Variants in DLG2 observed in about 807,000 individuals in gnomAD.
DLG2 encodes disks large homolog 2.
DLG2 carries 45 observed loss-of-function variants against 132.5 expected under a neutral mutation model. The ratio of observed to expected loss-of-function variants is 0.34; its 90% CI spans 0.27 to 0.44. DLG2 has a LOEUF of 0.44. Ranked by LOEUF, DLG2 falls within the 20% of genes least tolerant of loss-of-function variation. The pLI is 1.00. For synonymous variants in DLG2, 424 were observed against 419.6 expected, an observed-to-expected ratio of 1.01 and a Z score of -0.13; for missense variants, 1,045 against 1,196.9, an observed-to-expected ratio of 0.87 and a Z score of 1.87.
rs561090660 is a variant in DLG2, at chr11:83,775,370, T to G, written c.1825+11320A>C. On this transcript the variant is annotated intron_variant, in intron 18 of 27. Transcript: ENST00000376104. ...CGGGTTGTTCTGGAGCCTTTCTGCC[T>G]GAGACTGAAACTTTGTTTTACTCTA... is the stretch of plus-strand genomic sequence containing the variant. Among the ~76,000 whole-genome samples, 7 of 152,364 alleles carry G rather than the reference T, an allele frequency of 4.6e-5. No individual in the cohort carries two copies. The South Asian group carries it at 1.2e-3, about 27-fold the overall frequency.
intron 7 of DLG2, among the ~76,000 whole-genome samples, chr11:84,320,130 A>T (rs1276032547): frequency 6.6e-6 from 1 of 152,218 alleles, no homozygotes; most frequent in East Asian, 1.9e-4. Flanking sequence ...TACACATCCT[A>T]CTTATCACTG....
At chr11:85,128,617 G>A (rs72961518) in intron 5 of DLG2, among the ~76,000 whole-genome samples, 1,856 of 152,244 alleles carry the variant, frequency 0.012, 13 homozygotes, top group Non-Finnish European at 0.018. Context: ...TTCTGCCTGC[G>A]ATCCAGAACT....
At chr11:85,232,730 G>A (rs984645377) in intron 4 of DLG2, among the ~76,000 whole-genome samples, 3 of 151,878 alleles carry the variant, frequency 2.0e-5, no homozygotes, top group African/African-American at 4.8e-5. Flanking sequence ...CTACTCTAAA[G>A]CATACGTGAA....
At chr11:84,427,915 T>C (rs1034331040) in intron 7 of DLG2, among the ~76,000 whole-genome samples, 2 of 152,224 alleles carry the variant, frequency 1.3e-5, no homozygotes, top group African/African-American at 4.8e-5. Flanking sequence ...CAAGACTAGC[T>C]TGTGAGGAAC....
chr11:85,145,265 C>G (rs1429376426), intron 5 of DLG2, among the ~76,000 whole-genome samples: 1 of 151,900 alleles, frequency 6.6e-6, no homozygotes, highest in Non-Finnish European at 1.5e-5. Flanking sequence ...TTTCTTTATC[C>G]TTAGCCTTTG....
intron 4 of DLG2, among the ~76,000 whole-genome samples, chr11:85,178,624 G>A (rs930301834): frequency 4.6e-5 from 7 of 151,742 alleles, no homozygotes; most frequent in African/African-American, 1.7e-4. Flanking sequence ...TTTTTTAAAA[G>A]CCAAACAAAT....
chr11:84,042,041 A>G (rs1046553224), intron 11 of DLG2, among the ~76,000 whole-genome samples: 6 of 151,962 alleles, frequency 3.9e-5, no homozygotes, highest in Non-Finnish European at 5.9e-5. Context: ...TGTAAGTTCA[A>G]TAAACAATTT....
At chr11:85,208,416 C>T (rs2152564335) in intron 4 of DLG2, among the ~76,000 whole-genome samples, 1 of 152,106 alleles carries the variant, frequency 6.6e-6, no homozygotes, top group South Asian at 2.1e-4. Context: ...TACTAAGATA[C>T]CTTTGTTAAG....
At chr11:84,271,830 T>A (rs1478919125) in intron 7 of DLG2, among the ~76,000 whole-genome samples, 1 of 150,512 alleles carries the variant, frequency 6.6e-6, no homozygotes, top group Non-Finnish European at 1.5e-5. Flanking sequence ...TGTTAGGTGA[T>A]AAATCAGAGA....
intron 17 of DLG2, among the ~76,000 whole-genome samples, chr11:83,789,720 G>A (rs1306765222): frequency 6.6e-6 from 1 of 152,038 alleles, no homozygotes; most frequent in Non-Finnish European, 1.5e-5. Flanking sequence ...GCTATTTTTT[G>A]TATTTTTAGC....
At chr11:83,802,134 C>T (rs193013503) in intron 17 of DLG2, among the ~76,000 whole-genome samples, 58 of 151,646 alleles carry the variant, frequency 3.8e-4, no homozygotes, top group African/African-American at 1.1e-3. Flanking sequence ...AGTGACATGA[C>T]ATGCACCATT....
intron 11 of DLG2, among the ~76,000 whole-genome samples, chr11:84,016,355 T>C (rs1208193672): frequency 6.6e-6 from 1 of 152,186 alleles, no homozygotes; most frequent in Admixed American, 6.6e-5. Flanking sequence ...GATAGTTTCT[T>C]ATATCCCATA....
At chr11:83,852,547 T>C (rs1175866941) in intron 16 of DLG2, among the ~76,000 whole-genome samples, 1 of 152,222 alleles carries the variant, frequency 6.6e-6, no homozygotes, top group Non-Finnish European at 1.5e-5. Context: ...TTAATTACTA[T>C]TACTGAAATT....
chr11:85,263,186 A>T (rs574516523), intron 4 of DLG2, among the ~76,000 whole-genome samples: 175 of 152,324 alleles, frequency 1.1e-3, no homozygotes, highest in African/African-American at 4.1e-3. Context: ...TGCATGAGCA[A>T]CCCCAGGTCA....
At position 85,126,574 on chromosome 11, in the gene DLG2, T is replaced by C. The variant is rs574042863; in HGVS notation, c.283-14839A>G. 2.6e-5 allele frequency among the ~76,000 whole-genome samples: 4 copies of C among 152,302 alleles called. No individual in the cohort carries two copies. In the South Asian group the frequency reaches 8.3e-4, roughly 32 times the overall value. ...GTTAAATTTTCCCTACTATTAGCTG[T>C]ATTTATGCTCCTCTTTGCCACTCAA... is the stretch of plus-strand genomic sequence containing the variant. On this transcript the variant is annotated intron_variant, in intron 5 of 27. Transcript: ENST00000376104.
At chr11:83,945,762 C>T (rs1290862939) in intron 14 of DLG2, among the ~76,000 whole-genome samples, 2 of 149,662 alleles carry the variant, frequency 1.3e-5, no homozygotes, top group African/African-American at 4.9e-5. Context: ...GGTTTAGGGT[C>T]GTCCGCTATT....
At position 84,759,519 on chromosome 11, in the gene DLG2, T is replaced by C. The variant is rs560814142; in HGVS notation, c.358-224788A>G. Among the ~76,000 whole-genome samples the C allele has an allele frequency of 3.3e-5, 5 of 152,366 alleles. No individual in the cohort carries two copies. The East Asian group carries it at 9.6e-4, about 29-fold the overall frequency. On this transcript the variant is annotated intron_variant, in intron 6 of 27. Coordinates refer to ENST00000376104, the MANE Select transcript of DLG2 (RefSeq NM_001142699.3). ...CTTCATTGTGAGGCTTGAGCGTTTA[T>C]GATAATCTATCTTCTTTCATTTAAA...
At chr11:85,563,420 A>T (rs914017183) in intron 3 of DLG2, among the ~76,000 whole-genome samples, 4 of 141,152 alleles carry the variant, frequency 2.8e-5, no homozygotes, top group Admixed American at 2.8e-4. Context: ...TGAGTGGATT[A>T]AAAAAAAAAA....
intron 18 of DLG2, among the ~76,000 whole-genome samples, chr11:83,640,032 T>C (rs1469763058): frequency 6.6e-6 from 1 of 152,182 alleles, no homozygotes; most frequent in East Asian, 1.9e-4. Flanking sequence ...TATGCAGTTC[T>C]TAGTGGTACT....
Sources: gnomAD v4.1 joint callset for allele counts (sites outside exome capture counted in the v4.1 genomes callset) on GRCh38, gnomAD v4.1.1 for gene constraint, MANE v1.5 for transcripts, NCBI Gene and HGNC (gene_info 2026-07-23, HGNC 2026-07-21) for gene names.